Variants in NALF1 observed in about 807,000 individuals in gnomAD.
NALF1 encodes the protein NALCN channel auxiliary factor 1, also known as family with sequence similarity 155 member A.
NALF1 carries 3 observed loss-of-function variants against 48.4 expected under a neutral mutation model. The observed-to-expected ratio is 0.06, with a 90% CI of 0.03 to 0.16. The LOEUF is 0.16. NALF1 is among the 10% of genes least tolerant of loss of function. The pLI is 1.00. For synonymous variants in NALF1, 262 were observed against 245.7 expected (o/e 1.07, Z -0.62); for missense variants, 526 against 571.5 (o/e 0.92, Z 0.81).
At position 107,203,422 on chromosome 13, in the gene NALF1, C is replaced by T. The variant is rs562253947; in HGVS notation, c.1087+7162G>A. Among the ~76,000 whole-genome samples, 9 of 152,166 alleles carry T rather than the reference C, an allele frequency of 5.9e-5. No homozygotes were observed. The South Asian group carries it at 8.3e-4, about 14-fold the overall frequency. ...AGACTCACCAGCTCAGCAGTGCAGG[C>T]GCTGGCACTGCCTCTCTGAGGGCAG... is the stretch of plus-strand genomic sequence containing the variant. On this transcript the variant is annotated intron_variant, in intron 2 of 2. Coordinates refer to ENST00000375915, the MANE Select transcript of NALF1 (RefSeq NM_001080396.3).
At chr13:107,650,369 T>C (rs1349377064) in intron 1 of NALF1, among the ~76,000 whole-genome samples, 8 of 131,142 alleles carry the variant, frequency 6.1e-5, no homozygotes, top group African/African-American at 2.2e-4. Flanking sequence ...AACGTTGCCA[T>C]TTGAACGGTA....
intron 1 of NALF1, among the ~76,000 whole-genome samples, chr13:107,612,755 A>T (rs1356857404): frequency 2.6e-5 from 4 of 151,798 alleles, no homozygotes; most frequent in African/African-American, 4.8e-5. Context: ...AGGCCTTGAG[A>T]CTCCAGCTGG....
At chr13:107,433,133 C>T (rs964797643) in intron 1 of NALF1, among the ~76,000 whole-genome samples, 3 of 152,138 alleles carry the variant, frequency 2.0e-5, no homozygotes, top group African/African-American at 7.2e-5. Context: ...TTTAAGGAGG[C>T]ATCTTATCAA....
rs982353525 is a variant in NALF1, at chr13:107,644,851, T to C, written c.915+220831A>G. Among the ~76,000 whole-genome samples, 84 of 151,972 alleles carry C rather than the reference T, an allele frequency of 5.5e-4. 1 individual carries two copies. The highest frequency in any genetic ancestry group is 2.0e-3 in the African/African-American group (81 of 41,504). ...CAGATCAGTGATGATCCTTGCCTCA[T>C]ACTGCTGTACAGCAAAAATAATCAC... On this transcript the variant is annotated intron_variant, in intron 1 of 2. Transcript: ENST00000375915.
intron 1 of NALF1, among the ~76,000 whole-genome samples, chr13:107,599,325 G>A (rs1193272351): frequency 6.6e-6 from 1 of 152,000 alleles, no homozygotes; most frequent in African/African-American, 2.4e-5. Flanking sequence ...GGGAGGCTGA[G>A]GCAGGAGAAT....
At chr13:107,279,084 C>T (rs1369119505) in intron 1 of NALF1, among the ~76,000 whole-genome samples, 2 of 134,754 alleles carry the variant, frequency 1.5e-5, no homozygotes. Flanking sequence ...TGCAGTACCT[C>T]AAACTCTGAA....
At chr13:107,690,532 G>C (rs967149204) in intron 1 of NALF1, among the ~76,000 whole-genome samples, 1 of 152,138 alleles carries the variant, frequency 6.6e-6, no homozygotes, top group African/African-American at 2.4e-5. Flanking sequence ...TGTTTAAGTG[G>C]AACAGATCAA....
intron 1 of NALF1, among the ~76,000 whole-genome samples, chr13:107,323,912 T>C (rs565292360): frequency 1.3e-5 from 2 of 152,124 alleles, no homozygotes; most frequent in African/African-American, 4.8e-5. Context: ...CAGGAGTTGA[T>C]CAGCCTGAGC....
chr13:107,753,453 A>G (rs2138554644), intron 1 of NALF1, among the ~76,000 whole-genome samples: 1 of 151,790 alleles, frequency 6.6e-6, no homozygotes, highest in Admixed American at 6.6e-5. Flanking sequence ...TTGTTGTACC[A>G]ATGTAAATAG....
At chr13:107,601,829 TAA>T (rs145479209) in intron 1 of NALF1, among the ~76,000 whole-genome samples, 2 of 149,102 alleles carry the variant, frequency 1.3e-5, no homozygotes, top group Non-Finnish European at 3.0e-5. Flanking sequence ...TATTCTTAGC[TAA>T]AAAAAAAATG....
intron 1 of NALF1, among the ~76,000 whole-genome samples, chr13:107,569,704 T>C (rs1027776524): frequency 2.0e-5 from 3 of 152,174 alleles, no homozygotes; most frequent in Admixed American, 1.3e-4. Context: ...CTTTTCAAAA[T>C]TGTCTTGAAT....
At chr13:107,436,587 A>G (rs938909397) in intron 1 of NALF1, among the ~76,000 whole-genome samples, 11 of 152,220 alleles carry the variant, frequency 7.2e-5, no homozygotes, top group Non-Finnish European at 1.3e-4. Context: ...CTATTTTATA[A>G]TAAGCATCTA....
intron 2 of NALF1, among the ~76,000 whole-genome samples, chr13:107,194,056 CT>C (rs1879342375): frequency 1.2e-5 from 1 of 83,394 alleles, no homozygotes; most frequent in Admixed American, 1.2e-4. Flanking sequence ...ATCTATCTAT[CT>C]ATATATCAAT....
chr13:107,836,907 A>G (rs1007936378), intron 1 of NALF1, among the ~76,000 whole-genome samples: 1 of 152,234 alleles, frequency 6.6e-6, no homozygotes, highest in Admixed American at 6.5e-5. Flanking sequence ...TGGGAGGCAG[A>G]TAGGATGACA....
chr13:107,246,434 G>A (rs1207403166), intron 1 of NALF1, among the ~76,000 whole-genome samples: 3 of 152,160 alleles, frequency 2.0e-5, no homozygotes, highest in Admixed American at 1.3e-4. Context: ...TTGAAACCCT[G>A]TTAAGGAACG....
intron 1 of NALF1, among the ~76,000 whole-genome samples, chr13:107,392,591 C>T (rs1252556445): frequency 6.6e-6 from 1 of 152,112 alleles, no homozygotes; most frequent in Non-Finnish European, 1.5e-5. Flanking sequence ...TGTTATCTGG[C>T]TGAAGTCTCC....
chr13:107,490,030 T>A (rs1009895775), intron 1 of NALF1, among the ~76,000 whole-genome samples: 5 of 152,042 alleles, frequency 3.3e-5, no homozygotes, highest in Non-Finnish European at 7.4e-5. Flanking sequence ...AAAAACACAA[T>A]GAGATACCAT....
intron 2 of NALF1, among the ~76,000 whole-genome samples, chr13:107,208,834 TCCTCCTTC>T (rs930251822): frequency 6.6e-6 from 1 of 152,098 alleles, no homozygotes; most frequent in Non-Finnish European, 1.5e-5. Flanking sequence ...GATATTGATA[TCCTCCTTC>T]CCTCCTTCCC....
chr13:107,283,470 A>G (rs150864245), intron 1 of NALF1, among the ~76,000 whole-genome samples: 2 of 151,874 alleles, frequency 1.3e-5, no homozygotes, highest in East Asian at 3.9e-4. Flanking sequence ...AATTGGCAAC[A>G]CAAATCGGTT....
Sources: gnomAD v4.1 joint callset for allele counts (sites outside exome capture counted in the v4.1 genomes callset) on GRCh38, gnomAD v4.1.1 for gene constraint, MANE v1.5 for transcripts, NCBI Gene and HGNC (gene_info 2026-07-23, HGNC 2026-07-21) for gene names.